The following CFHR3 variants were observed in gnomAD, a reference collection of about 807,000 sequenced individuals.
The protein encoded by CFHR3 is complement factor H related 3.
CFHR3 carries 22 observed loss-of-function variants against 36.0 expected under a neutral mutation model. The ratio of observed to expected loss-of-function variants is 0.61; its 90% CI spans 0.44 to 0.87. The LOEUF (loss-of-function observed/expected upper bound fraction) is 0.87, where lower values mean the gene tolerates loss of function less well. Ranked by LOEUF, CFHR3 falls within the 40% of genes least tolerant of loss-of-function variation. CFHR3 has a pLI of 0.00. For missense variants in CFHR3, 276 were observed against 401.3 expected, an observed-to-expected ratio of 0.69 and a Z score of 2.67; for synonymous variants, 97 against 137.4, an observed-to-expected ratio of 0.71 and a Z score of 2.06.
chr1:196,780,473 A>G (rs1467382507), intron 3 of CFHR3, among the ~76,000 whole-genome samples: 1 of 137,722 alleles, frequency 7.3e-6, no homozygotes, highest in Non-Finnish European at 1.5e-5. Flanking sequence ...ATAAAATGGT[A>G]TAGCATTGTA....
At chr1:196,775,247 C>T (rs1262531912) in intron 1 of CFHR3, among the ~76,000 whole-genome samples, 1 of 136,744 alleles carries the variant, frequency 7.3e-6, no homozygotes, top group Non-Finnish European at 1.6e-5. Context: ...GGAAACATGT[C>T]ATTAGACAGA....
rs1489406312 is a variant in CFHR3 at position 196,778,066 on chromosome 1, A to G, written c.59-1096A>G. Among the ~76,000 whole-genome samples the G allele has an allele frequency of 1.5e-5, 2 of 134,972 alleles. 1 individual carries two copies. Among genetic ancestry groups the G allele is most frequent in the Non-Finnish European group, 3.1e-5 (2 of 64,050 alleles). 88.5% of individuals were successfully genotyped at this position (134,972 alleles called of 152,430 possible). On this transcript the variant is annotated intron_variant, in intron 1 of 5. Transcript: ENST00000367425. Reference sequence around the variant, plus strand: ...TGTCCCTTTCTTCTTCAGACTAAATAGCCTGCAATCATAAGAAAATGTAAG... The same window carrying G: ...TGTCCCTTTCTTCTTCAGACTAAATGGCCTGCAATCATAAGAAAATGTAAG...
At chr1:196,790,959 TAA>T (rs1481552818) in intron 5 of CFHR3, among the ~76,000 whole-genome samples, 1 of 135,756 alleles carries the variant, frequency 7.4e-6, no homozygotes, top group Non-Finnish European at 1.6e-5. Context: ...AACACTTAGG[TAA>T]AGAGTTTTCA....
At chr1:196,789,587 T>C (rs1256368396) in intron 4 of CFHR3, 1 of 1,264,652 alleles carries the variant, frequency 7.9e-7, no homozygotes. Context: ...AATCGTTACA[T>C]AACTACATAA....
Position 196,784,882 on chromosome 1 carries a change from C to T in CFHR3, c.431-3334C>T, listed in dbSNP as rs1466122034. On this transcript the variant is annotated intron_variant, in intron 3 of 5. Transcript: ENST00000367425. ...TGGTTATTTTGCTTGTTAGTTGATGCAGTTTCTTCCTAGTCTCGATGGTCT... is the reference window on the plus strand; with the variant it reads ...TGGTTATTTTGCTTGTTAGTTGATGTAGTTTCTTCCTAGTCTCGATGGTCT... Among the ~76,000 whole-genome samples, 4 of 135,662 alleles carry T rather than the reference C, an allele frequency of 2.9e-5. 1 individual carries two copies. Among genetic ancestry groups the T allele is most frequent in the Non-Finnish European group, 6.2e-5 (4 of 64,188 alleles). 89.0% of individuals were successfully genotyped at this position (135,662 alleles called of 152,430 possible). A position where few individuals can be genotyped will look rare whatever the true frequency, so the allele number is the denominator to read the frequency against.
Position 196,790,103 on chromosome 1 carries a change from T to C in CFHR3, c.672T>C (p.Phe224=). The C allele has an allele frequency of 2.2e-6, 3 of 1,372,138 alleles. 1 individual carries two copies. In the South Asian group the frequency reaches 4.2e-5, roughly 19 times the overall value. The allele number at this position is 1,372,138 out of a possible 1,614,324, so 85.0% of individuals were successfully genotyped here. Residue 224 remains phenylalanine, a synonymous_variant, in exon 5 of 6, where the codon TTT becomes TTC. Transcript: ENST00000367425. The part of the protein sequence containing the change: ...PPISNGDTTS[F]LLKVYVPQSR... ...TTAGCAATGGTGATACCACCTCCTT[T>C]CTACTAAAAGTGTATGTGCCACAGT...
At chr1:196,788,715 T>G in intron 4 of CFHR3, 1 of 1,454,780 alleles carries the variant, frequency 6.9e-7, no homozygotes, top group Non-Finnish European at 9.1e-7. Context: ...CTTTGTTGTC[T>G]TCCCTTTCTT....
chr1:196,779,670 A>G (rs1653865868), intron 2 of CFHR3, 127 bp from the exon 3 acceptor site: 2 of 1,240,138 alleles, frequency 1.6e-6, no homozygotes, highest in Admixed American at 4.9e-5. Context: ...GTTCATACTA[A>G]GTTGTACATT....
chr1:196,778,303 A>G (rs1302251400), intron 1 of CFHR3, among the ~76,000 whole-genome samples: 1 of 136,774 alleles, frequency 7.3e-6, no homozygotes, highest in East Asian at 2.0e-4. Context: ...TCTCATCTGC[A>G]CACTAAAGCT....
Position 196,790,054 on chromosome 1 carries a change from A to G in CFHR3, c.623A>G (p.Glu208Gly), listed in dbSNP as rs552615695. 1.9e-5 allele frequency: 26 copies of G among 1,346,332 alleles called. 3 individuals are homozygous for G. Among genetic ancestry groups the G allele is most frequent in the Middle Eastern group, 4.4e-4 (2 of 4,570 alleles). The allele number at this position is 1,346,332 out of a possible 1,614,324, so 83.4% of individuals were successfully genotyped here. The change falls in exon 5 of 6, where the codon GAA (glutamate) becomes GGA (glycine). Residue 208 changes from glutamate (E) to glycine (G), a missense_variant. This residue lies in a region of CFHR3 where 178 missense variants were observed against 247.2 expected (regional missense o/e 0.72). Coordinates refer to ENST00000367425, the MANE Select transcript of CFHR3 (RefSeq NM_021023.6). ...AAGTATTTTTTTTCAGATTCTTCAG[A>G]AAAGTGTGGGCCTCCTCCACCTATT... is the stretch of plus-strand genomic sequence containing the variant. ...SAQPICINSS[E>G]KCGPPPPISN...
chr1:196,782,042 A>C (rs1223347791), intron 3 of CFHR3, among the ~76,000 whole-genome samples: 4 of 137,204 alleles, frequency 2.9e-5, no homozygotes, highest in Non-Finnish European at 4.6e-5. Flanking sequence ...TTTCCCAGCA[A>C]CATTTATTAA....
rs1367514027 is a variant in CFHR3 at position 196,793,811 on chromosome 1, T to C, written c.*298T>C. On this transcript the variant is annotated 3_prime_UTR_variant, in exon 6 of 6. Coordinates refer to ENST00000367425, the MANE Select transcript of CFHR3 (RefSeq NM_021023.6). ...GCTGAATGGCTTTCTGCATATTGTA[T>C]AGTATACCTAGACATAGAAACAAAA... 5 of 243,246 alleles carry C rather than the reference T, an allele frequency of 2.1e-5. No individual in the cohort carries two copies. The highest frequency in any genetic ancestry group is 8.6e-5 in the East Asian group (1 of 11,602). 15.1% of individuals were successfully genotyped at this position (243,246 alleles called of 1,614,324 possible). A position where few individuals can be genotyped will look rare whatever the true frequency, so the allele number is the denominator to read the frequency against.
At position 196,792,899 on chromosome 1, in the gene CFHR3, T is replaced by A. The variant is rs192272174; in HGVS notation, c.797-418T>A. Among the ~76,000 whole-genome samples, 101 of 136,980 alleles carry A rather than the reference T, an allele frequency of 7.4e-4. 28 individuals carry two copies. Among genetic ancestry groups the A allele is most frequent in the African/African-American group, 3.1e-3 (101 of 32,904 alleles). The allele number at this position is 136,980 out of a possible 152,430, so 89.9% of individuals were successfully genotyped here. A position where few individuals can be genotyped will look rare whatever the true frequency, so the allele number is the denominator to read the frequency against. ...ATAAGAGAAAAATATAAACATAGAA[T>A]TAAATTAGCAAAATGTGAGTACATT... On this transcript the variant is annotated intron_variant, in intron 5 of 5. Transcript: ENST00000367425.
Position 196,779,918 on chromosome 1 carries a change from C to T in CFHR3, c.375C>T (p.Thr125=), listed in dbSNP as rs1653879041. ...HPGYGLPKAQ[T]TVTCTEKGWS... is the part of the protein sequence containing the mutation. ...GCTACGGTCTTCCAAAAGCGCAGACCACAGTTACATGTACGGAGAAAGGCT... is the reference window on the plus strand; with the variant it reads ...GCTACGGTCTTCCAAAAGCGCAGACTACAGTTACATGTACGGAGAAAGGCT... Residue 125 remains threonine, a synonymous_variant, in exon 3 of 6, where the codon ACC becomes ACT. Coordinates refer to ENST00000367425, the MANE Select transcript of CFHR3 (RefSeq NM_021023.6). 1 of 1,532,996 alleles carries T rather than the reference C, an allele frequency of 6.5e-7. No homozygotes were observed. Among genetic ancestry groups the T allele is most frequent in the Admixed American group, 1.7e-5 (1 of 58,162 alleles). The allele number at this position is 1,532,996 out of a possible 1,614,324, so 95.0% of individuals were successfully genotyped here.
intron 1 of CFHR3, among the ~76,000 whole-genome samples, chr1:196,778,803 G>T (rs1653832717): frequency 7.3e-6 from 1 of 136,272 alleles, no homozygotes; most frequent in African/African-American, 3.1e-5. Flanking sequence ...GCATAACTTG[G>T]TATAGTTCTA....
At chr1:196,783,803 T>G (rs1654071330) in intron 3 of CFHR3, among the ~76,000 whole-genome samples, 1 of 136,606 alleles carries the variant, frequency 7.3e-6, no homozygotes, top group South Asian at 2.5e-4. Context: ...CTCTATTTCC[T>G]TCAGTTCTCC....
chr1:196,786,404 G>A lies in CFHR3; in HGVS notation c.431-1812G>A, dbSNP rs1288867817. On this transcript the variant is annotated intron_variant, in intron 3 of 5. Coordinates refer to ENST00000367425, the MANE Select transcript of CFHR3 (RefSeq NM_021023.6). ...TTTGTTTGTCTGTGCCCTGCCCCCA[G>A]AGGTGGAGCCTACAGAGGCAGGCAG... is the stretch of plus-strand genomic sequence containing the variant. 2.9e-5 allele frequency among the ~76,000 whole-genome samples: 4 copies of A among 135,874 alleles called. 2 individuals carry two copies. The highest frequency in any genetic ancestry group is 5.2e-4 in the South Asian group (2 of 3,870). The allele number at this position is 135,874 out of a possible 152,430, so 89.1% of individuals were successfully genotyped here.
intron 1 of CFHR3, among the ~76,000 whole-genome samples, chr1:196,776,168 T>C (rs35774441): frequency 0.061 from 6,715 of 110,376 alleles, 629 homozygotes; most frequent in East Asian, 0.29. Context: ...ATGCACTATA[T>C]TTTCTTACTT....
intron 3 of CFHR3, among the ~76,000 whole-genome samples, chr1:196,786,598 C>A (rs1480230767): frequency 7.3e-6 from 1 of 136,206 alleles, no homozygotes; most frequent in Non-Finnish European, 1.6e-5. Context: ...GGGCATAGGA[C>A]CCTCTGAGCC....
Sources: gnomAD v4.1 joint callset for allele counts (sites outside exome capture counted in the v4.1 genomes callset) on GRCh38, gnomAD v4.1.1 for gene constraint, gnomAD v4.1.1 regional missense constraint, MANE v1.5 for transcripts, NCBI Gene and HGNC (gene_info 2026-07-23, HGNC 2026-07-21) for gene names.